Variants in PTPN4 observed in about 807,000 individuals in gnomAD.
PTPN4 encodes the protein tyrosine-protein phosphatase non-receptor type 4.
Under a neutral mutation model 135.5 loss-of-function variants are expected in PTPN4, and 49 were observed. The observed-to-expected ratio is 0.36, with a 90% CI of 0.29 to 0.46. PTPN4 has a LOEUF of 0.46. Among genes scored for constraint, PTPN4 ranks in the 20% least tolerant of loss-of-function variants. The pLI, the probability that PTPN4 is intolerant of heterozygous loss-of-function variation, is 1.00. For missense variants in PTPN4, 860 were observed against 1,101.0 expected (o/e 0.78, Z 3.10); for synonymous variants, 333 against 369.9 (o/e 0.90, Z 1.14).
At chr2:119,821,560 C>T (rs921664080) in intron 2 of PTPN4, among the ~76,000 whole-genome samples, 1 of 151,754 alleles carries the variant, frequency 6.6e-6, no homozygotes, top group African/African-American at 2.4e-5. Context: ...GTAGTTTTGG[C>T]TTTCTTTTGC....
chr2:119,945,235 C>A lies in PTPN4; in HGVS notation c.1510C>A (p.Pro504Thr). ...TGATATTCCATCTTCTCCTGAAAAACCCACTGTAAGTAGCTTCTTCAGATA... is the reference window on the plus strand; with the variant it reads ...TGATATTCCATCTTCTCCTGAAAAAACCACTGTAAGTAGCTTCTTCAGATA... Reference protein sequence around the residue: ...TFDIPSSPEKPTPNGGIPHDN... With the variant: ...TFDIPSSPEKTTPNGGIPHDN... Residue 504 changes from proline (P) to threonine (T), a missense_variant, in exon 16 of 27, where the codon CCC becomes ACC. By Grantham distance (38) the Pro-to-Thr change is conservative (BLOSUM62 -1). Around this residue, in one of 2 missense-constraint regions of PTPN4, gnomAD observed 684 missense variants for 807.0 expected, o/e 0.85. Coordinates refer to ENST00000263708, the MANE Select transcript of PTPN4 (RefSeq NM_002830.4). 1 of 1,551,426 alleles carries A rather than the reference C, an allele frequency of 6.4e-7. No individual in the cohort carries two copies. Among genetic ancestry groups the A allele is most frequent in the Non-Finnish European group, 8.7e-7 (1 of 1,152,142 alleles).
At chr2:119,951,855 G>A in intron 18 of PTPN4, 118 bp from the exon 19 acceptor site, 2 of 761,122 alleles carry the variant, frequency 2.6e-6, no homozygotes, top group Non-Finnish European at 3.8e-6. Flanking sequence ...ATAAATGAAA[G>A]ATGCTTTTCT....
At chr2:119,956,236 A>AT (rs1558774437) in intron 20 of PTPN4, among the ~76,000 whole-genome samples, 8 of 87,990 alleles carry the variant, frequency 9.1e-5, no homozygotes, top group Non-Finnish European at 1.7e-4. Flanking sequence ...AATAAACCTG[A>AT]ATTTTTTTTT....
chr2:119,913,532 A>G (rs151157113), intron 10 of PTPN4, among the ~76,000 whole-genome samples: 1 of 152,276 alleles, frequency 6.6e-6, no homozygotes, highest in East Asian at 1.9e-4. Context: ...GCACACACCT[A>G]TAGTCCCAGC....
intron 2 of PTPN4, among the ~76,000 whole-genome samples, chr2:119,858,966 A>G (rs1258041907): frequency 2.0e-5 from 3 of 150,674 alleles, no homozygotes; most frequent in African/African-American, 4.9e-5. Context: ...AGTAATTTCT[A>G]TTGCTTTTTC....
At chr2:119,846,016 G>A (rs1195725262) in intron 2 of PTPN4, among the ~76,000 whole-genome samples, 3 of 152,116 alleles carry the variant, frequency 2.0e-5, no homozygotes, top group African/African-American at 7.2e-5. Context: ...TTCTGTTACT[G>A]ATTTCTAGTT....
rs1453834294 is a variant in PTPN4, at chr2:119,868,536, G to A, written c.246+5893G>A. Among the ~76,000 whole-genome samples, 3 of 152,206 alleles carry A rather than the reference G, an allele frequency of 2.0e-5. No individual in the cohort carries two copies. The East Asian group carries it at 5.8e-4, about 29-fold the overall frequency. ...CAAAATCTCTGCAGCACTGTGACAT[G>A]TTCATGTTGGCCATAATGCCCACGT... On this transcript the variant is annotated intron_variant, in intron 3 of 26. Transcript: ENST00000263708.
intron 1 of PTPN4, among the ~76,000 whole-genome samples, chr2:119,795,313 G>A (rs1474536076): frequency 6.6e-6 from 1 of 152,186 alleles, no homozygotes; most frequent in Non-Finnish European, 1.5e-5. Context: ...GGCTTTACCG[G>A]GGACCTGGCT....
rs79618709 is a variant in PTPN4 at position 119,928,964 on chromosome 2, C to T, written c.1070+2298C>T. ...ATTTTAGAAATAAGCAGAGTTATAC[C>T]TGCATCTTAGTTGTTCATTTTGTGT... On this transcript the variant is annotated intron_variant, in intron 13 of 26. Coordinates refer to ENST00000263708, the MANE Select transcript of PTPN4 (RefSeq NM_002830.4). 3.2e-3 allele frequency among the ~76,000 whole-genome samples: 492 copies of T among 152,064 alleles called. 2 individuals carry two copies. The highest frequency in any genetic ancestry group is 0.011 in the African/African-American group (466 of 41,528).
intron 15 of PTPN4, 56 bp from the exon 16 acceptor site, chr2:119,945,025 G>A (rs1679112053): frequency 2.0e-6 from 3 of 1,497,402 alleles, no homozygotes; most frequent in South Asian, 2.7e-5. Flanking sequence ...TGGGTTGCTT[G>A]ACCCTAACTT....
At chr2:119,768,961 C>T (rs1296909090) in intron 1 of PTPN4, among the ~76,000 whole-genome samples, 2 of 152,164 alleles carry the variant, frequency 1.3e-5, no homozygotes, top group Non-Finnish European at 2.9e-5. Context: ...GATACTGAAG[C>T]ATCTTTTCTC....
At chr2:119,905,163 A>T (rs114787211) in intron 10 of PTPN4, among the ~76,000 whole-genome samples, 3,181 of 152,300 alleles carry the variant, frequency 0.021, 50 homozygotes, top group Non-Finnish European at 0.032. Context: ...CATTGAATGT[A>T]TATGGTTTAA....
At chr2:119,855,367 C>T (rs1677661266) in intron 2 of PTPN4, among the ~76,000 whole-genome samples, 1 of 152,032 alleles carries the variant, frequency 6.6e-6, no homozygotes, top group Non-Finnish European at 1.5e-5. Context: ...GTACAAGTTC[C>T]CTTACAAGGC....
chr2:119,838,763 G>A (rs768892819), intron 2 of PTPN4, among the ~76,000 whole-genome samples: 1 of 152,210 alleles, frequency 6.6e-6, no homozygotes, highest in African/African-American at 2.4e-5. Flanking sequence ...TGAAGAATCT[G>A]CAACACTGGC....
chr2:119,940,864 C>G (rs920263899), intron 15 of PTPN4, among the ~76,000 whole-genome samples: 18 of 152,028 alleles, frequency 1.2e-4, no homozygotes, highest in African/African-American at 4.1e-4. Context: ...GTTCATTTTT[C>G]TTTTTTAAAA....
At chr2:119,967,034 T>C (rs1052025048) in intron 25 of PTPN4, among the ~76,000 whole-genome samples, 4 of 152,198 alleles carry the variant, frequency 2.6e-5, no homozygotes, top group African/African-American at 7.2e-5. Flanking sequence ...ATTTGAGAGG[T>C]AAAGTAGCAA....
chr2:119,901,131 T>C (rs1005171814), intron 10 of PTPN4, among the ~76,000 whole-genome samples: 3 of 151,994 alleles, frequency 2.0e-5, no homozygotes, highest in African/African-American at 7.3e-5. Flanking sequence ...TTTATCAGAG[T>C]TTAACCAAAG....
At chr2:119,885,255 G>T (rs1387912293) in intron 8 of PTPN4, among the ~76,000 whole-genome samples, 1 of 152,084 alleles carries the variant, frequency 6.6e-6, no homozygotes, top group Non-Finnish European at 1.5e-5. Context: ...AAAAATACAA[G>T]TCCTCATTTG....
At chr2:119,893,013 G>A (rs919468968) in intron 9 of PTPN4, among the ~76,000 whole-genome samples, 9 of 151,968 alleles carry the variant, frequency 5.9e-5, no homozygotes, top group African/African-American at 2.2e-4. Context: ...GCAGACATGA[G>A]CCACCACATC....
Sources: allele counts gnomAD v4.1 joint callset (sites outside exome capture counted in the v4.1 genomes callset), GRCh38; gene constraint gnomAD v4.1.1; regional missense constraint gnomAD v4.1.1; transcripts MANE v1.5; gene names NCBI Gene and HGNC (gene_info 2026-07-23, HGNC 2026-07-21).